The following GABRB2 variants were observed in gnomAD, a reference collection of about 807,000 sequenced individuals.
GABRB2 encodes the protein gamma-aminobutyric acid type A receptor subunit beta2.
A neutral mutation model predicts 54.7 loss-of-function variants in GABRB2; 16 were observed. That is an observed-to-expected ratio of 0.29 (90% CI 0.20 to 0.44). GABRB2 has a LOEUF of 0.44. GABRB2 is among the 20% of genes least tolerant of loss of function. The pLI is 1.00. For synonymous variants in GABRB2, 244 were observed against 233.8 expected, an observed-to-expected ratio of 1.04 and a Z score of -0.40; for missense variants, 355 against 644.0, an observed-to-expected ratio of 0.55 and a Z score of 4.86.
intron 9 of GABRB2, among the ~76,000 whole-genome samples, chr5:161,324,419 A>C (rs1183445876): frequency 6.6e-6 from 1 of 152,166 alleles, no homozygotes; most frequent in Non-Finnish European, 1.5e-5. Context: ...CTATTATTTG[A>C]ATGTCCTTTG....
chr5:161,299,236 A>G (rs1023912929), intron 9 of GABRB2, among the ~76,000 whole-genome samples: 1 of 152,290 alleles, frequency 6.6e-6, no homozygotes, highest in Middle Eastern at 3.4e-3. Flanking sequence ...CCATTTCTGT[A>G]TGGGAAACCA....
intron 8 of GABRB2, among the ~76,000 whole-genome samples, chr5:161,328,028 C>T (rs1445094920): frequency 6.6e-6 from 1 of 152,080 alleles, no homozygotes; most frequent in African/African-American, 2.4e-5. Context: ...GTCTGGAAAG[C>T]TTGATGGTCA....
chr5:161,399,342 C>T (rs111304052), intron 5 of GABRB2, among the ~76,000 whole-genome samples: 26 of 152,150 alleles, frequency 1.7e-4, no homozygotes, highest in African/African-American at 5.3e-4. Flanking sequence ...TCCAGGCTCA[C>T]GTTTTTCTAT....
chr5:161,344,188 T>G (rs938267517), intron 5 of GABRB2, among the ~76,000 whole-genome samples: 2 of 152,080 alleles, frequency 1.3e-5, no homozygotes, highest in African/African-American at 2.4e-5. Flanking sequence ...CATTAAAATA[T>G]TTTTTCCTAG....
chr5:161,317,740 T>A (rs1170780637), intron 9 of GABRB2, among the ~76,000 whole-genome samples: 1 of 152,038 alleles, frequency 6.6e-6, no homozygotes, highest in Non-Finnish European at 1.5e-5. Context: ...TAATAAATGT[T>A]AATATTTTAT....
At chr5:161,362,037 T>C (rs574391107) in intron 5 of GABRB2, among the ~76,000 whole-genome samples, 2 of 152,324 alleles carry the variant, frequency 1.3e-5, no homozygotes, top group South Asian at 4.1e-4. Context: ...TAGGGAATCC[T>C]TTCCCTGTTG....
intron 3 of GABRB2, among the ~76,000 whole-genome samples, chr5:161,487,470 T>A (rs1273325834): frequency 6.6e-6 from 1 of 151,872 alleles, no homozygotes; most frequent in East Asian, 1.9e-4. Flanking sequence ...GGTTGAAAAC[T>A]ATGGAACTTG....
chr5:161,324,773 G>T (rs951463617), intron 9 of GABRB2, among the ~76,000 whole-genome samples: 2 of 152,006 alleles, frequency 1.3e-5, no homozygotes, highest in Non-Finnish European at 2.9e-5. Context: ...ACAGCATAAA[G>T]ACATAACCAA....
chr5:161,512,453 A>T (rs1029398601), intron 3 of GABRB2, among the ~76,000 whole-genome samples: 3 of 152,096 alleles, frequency 2.0e-5, no homozygotes, highest in African/African-American at 7.2e-5. Flanking sequence ...GTCAATGAAA[A>T]TAAGCAATGG....
chr5:161,382,221 C>T (rs914483796), intron 5 of GABRB2, among the ~76,000 whole-genome samples: 1 of 152,180 alleles, frequency 6.6e-6, no homozygotes, highest in Non-Finnish European at 1.5e-5. Context: ...TGGTTCAGTT[C>T]CCTCCAGTCC....
intron 9 of GABRB2, among the ~76,000 whole-genome samples, chr5:161,317,074 C>T (rs750724765): frequency 1.3e-5 from 2 of 150,818 alleles, no homozygotes; most frequent in South Asian, 2.1e-4. Context: ...TGTGTGTGTG[C>T]GTGAGAGAGA....
chr5:161,443,600 A>G (rs1475406934), intron 4 of GABRB2, among the ~76,000 whole-genome samples: 1 of 152,228 alleles, frequency 6.6e-6, no homozygotes, highest in Non-Finnish European at 1.5e-5. Flanking sequence ...ATTATTTGGA[A>G]CTTGGTCTTT....
At chr5:161,334,934 TA>T in intron 6 of GABRB2, 30 bp from the exon 7 acceptor site, 1 of 1,603,140 alleles carries the variant, frequency 6.2e-7, no homozygotes, top group Non-Finnish European at 8.5e-7. Flanking sequence ...ACATCATCAT[TA>T]TCAATCAATA....
At chr5:161,483,495 T>C (rs1189687078) in intron 3 of GABRB2, among the ~76,000 whole-genome samples, 1 of 151,920 alleles carries the variant, frequency 6.6e-6, no homozygotes, top group African/African-American at 2.4e-5. Context: ...AAATATTCCA[T>C]AAGACTCCTG....
At chr5:161,333,788 C>T (rs4921190) in intron 7 of GABRB2, among the ~76,000 whole-genome samples, 8,441 of 152,210 alleles carry the variant, frequency 0.055, 313 homozygotes, top group Admixed American at 0.11. Context: ...ACATTGCTCT[C>T]AATCTTCAAG....
rs544896905 is a variant in GABRB2 at position 161,537,314 on chromosome 5, C to T, written c.237+7913G>A. 6.6e-5 allele frequency among the ~76,000 whole-genome samples: 10 copies of T among 152,150 alleles called. No homozygotes were observed. The East Asian group carries it at 7.7e-4, about 12-fold the overall frequency. ...ACTTATATGCTGACAATGCTCAGTTCGTCTCTCTATATAACTGCTTCCTAA... is the reference window on the plus strand; with the variant it reads ...ACTTATATGCTGACAATGCTCAGTTTGTCTCTCTATATAACTGCTTCCTAA... On this transcript the variant is annotated intron_variant, in intron 3 of 9. Coordinates refer to ENST00000393959, the MANE Select transcript of GABRB2 (RefSeq NM_001371727.1).
chr5:161,322,517 T>C (rs1231560581), intron 9 of GABRB2, among the ~76,000 whole-genome samples: 1 of 152,222 alleles, frequency 6.6e-6, no homozygotes, highest in Non-Finnish European at 1.5e-5. Context: ...ATCACAAGTG[T>C]GAATCACTGT....
chr5:161,312,463 G>A (rs1757898365), intron 9 of GABRB2, among the ~76,000 whole-genome samples: 1 of 152,154 alleles, frequency 6.6e-6, no homozygotes, highest in South Asian at 2.1e-4. Flanking sequence ...AACCCCAGCT[G>A]ATAATCTGAT....
intron 9 of GABRB2, among the ~76,000 whole-genome samples, chr5:161,312,996 T>G (rs2113367526): frequency 6.6e-6 from 1 of 152,308 alleles, no homozygotes; most frequent in South Asian, 2.1e-4. Context: ...ACACTGTGGG[T>G]AGGAGAAGGG....
Sources: allele counts gnomAD v4.1 joint callset (sites outside exome capture counted in the v4.1 genomes callset), GRCh38; gene constraint gnomAD v4.1.1; transcripts MANE v1.5; gene names NCBI Gene and HGNC (gene_info 2026-07-23, HGNC 2026-07-21).